Variants in ZFP2 observed in about 807,000 individuals in gnomAD.
The protein encoded by ZFP2 is zinc finger protein ZFP2.
In ZFP2, 33 loss-of-function variants were observed where a neutral mutation model predicts 36.1. The observed-to-expected ratio is 0.92, with a 90% CI of 0.69 to 1.22. The LOEUF is 1.22. Ranked by LOEUF, ZFP2 falls within the 50% of genes most tolerant of loss-of-function variation. The pLI is 0.00. For synonymous variants in ZFP2, 170 were observed against 178.0 expected, an observed-to-expected ratio of 0.96 and a Z score of 0.36; for missense variants, 522 against 551.4, an observed-to-expected ratio of 0.95 and a Z score of 0.53.
chr5:178,924,201 G>A (rs1017936423), intron 4 of ZFP2, among the ~76,000 whole-genome samples: 2 of 148,126 alleles, frequency 1.4e-5, no homozygotes, highest in Admixed American at 6.8e-5. Flanking sequence ...GTGAAACCCC[G>A]TCTGTACTAA....
rs77067287 is a variant in ZFP2 at position 178,918,028 on chromosome 5, C to T, written c.-78+1318C>T. Among the ~76,000 whole-genome samples the T allele has an allele frequency of 9.6e-3, 1,460 of 152,278 alleles. 26 individuals are homozygous for T. The highest frequency in any genetic ancestry group is 0.033 in the African/African-American group (1,358 of 41,550). Reference sequence around the variant, plus strand: ...TTCAGTGAGGCCTTTTCTTATGACCCACTTTAAAATTGCAGACGTTTTCTC... The same window carrying T: ...TTCAGTGAGGCCTTTTCTTATGACCTACTTTAAAATTGCAGACGTTTTCTC... On this transcript the variant is annotated intron_variant, in intron 4 of 4. Transcript: ENST00000361362.
rs577419398 is a variant in ZFP2, at chr5:178,929,946, G to C, written c.-77-1291G>C. 2.7e-4 allele frequency among the ~76,000 whole-genome samples: 40 copies of C among 147,612 alleles called. No homozygotes were observed. The East Asian group carries it at 5.9e-3, about 22-fold the overall frequency. On this transcript the variant is annotated intron_variant, in intron 4 of 4. Coordinates refer to ENST00000361362, the MANE Select transcript of ZFP2 (RefSeq NM_030613.4). Reference sequence around the variant, plus strand: ...GTGCCAGCATCTGCTTGACGGTGGGGGGGGGGGCTCAGGAGGCTTACAGTC... The same window carrying C: ...GTGCCAGCATCTGCTTGACGGTGGGCGGGGGGGCTCAGGAGGCTTACAGTC...
chr5:178,930,355 C>CT (rs1391754466), intron 4 of ZFP2, among the ~76,000 whole-genome samples: 19 of 96,454 alleles, frequency 2.0e-4, no homozygotes, highest in African/African-American at 6.5e-4. Context: ...GAGTCTCACT[C>CT]TGTCACCCAG....
chr5:178,932,790 T>C lies in ZFP2; in HGVS notation c.*91T>C, dbSNP rs74969101. 8.0e-4 allele frequency: 1,160 copies of C among 1,451,546 alleles called. 8 individuals carry two copies. The African/African-American group carries it at 0.015, about 18-fold the overall frequency. The allele number at this position is 1,451,546 out of a possible 1,614,324, so 89.9% of individuals were successfully genotyped here. A position where few individuals can be genotyped will look rare whatever the true frequency, so the allele number is the denominator to read the frequency against. On this transcript the variant is annotated 3_prime_UTR_variant, in exon 5 of 5. Transcript: ENST00000361362. ...TGTAGAAACCTAATAAATGTAATGA[T>C]TGTGGGAATCTTTCAGTTGAAGTAC... is the stretch of plus-strand genomic sequence containing the variant.
chr5:178,931,851 C>A lies in ZFP2; in HGVS notation c.538C>A (p.His180Asn). 1 of 1,612,638 alleles carries A rather than the reference C, an allele frequency of 6.2e-7. No individual in the cohort carries two copies. The highest frequency in any genetic ancestry group is 1.1e-5 in the South Asian group (1 of 91,022). The change falls in exon 5 of 5, where the codon CAC becomes AAC. Residue 180 changes from histidine (H) to asparagine (N), a missense_variant. Coordinates refer to ENST00000361362, the MANE Select transcript of ZFP2 (RefSeq NM_030613.4). ...SMNLTVHQRTHTGEKPYQCKE... is the reference protein window; with the variant it reads ...SMNLTVHQRTNTGEKPYQCKE... ...GAATCTTACTGTCCATCAACGAACT[C>A]ACACCGGAGAGAAACCCTATCAGTG...
Position 178,931,651 on chromosome 5 carries a change from A to G in ZFP2, c.338A>G (p.Gln113Arg). Residue 113 changes from glutamine (Q) to arginine (R), a missense_variant, in exon 5 of 5, where the codon CAG (glutamine) becomes CGG (arginine). Coordinates refer to ENST00000361362, the MANE Select transcript of ZFP2 (RefSeq NM_030613.4). ...AATCAGTGCAGCAAAACCTTCAGTC[A>G]GAGCTCATCCCTTCTTAAGCACCAG... is the stretch of plus-strand genomic sequence containing the variant. ...ECNQCSKTFS[Q>R]SSSLLKHQRI... 1 of 1,614,206 alleles carries G rather than the reference A, an allele frequency of 6.2e-7. No homozygotes were observed. Among genetic ancestry groups the G allele is most frequent in the Non-Finnish European group, 8.5e-7 (1 of 1,180,030 alleles).
intron 3 of ZFP2, 42 bp from the exon 4 acceptor site, chr5:178,916,523 A>G (rs1758435062): frequency 2.0e-6 from 2 of 984,812 alleles, no homozygotes; most frequent in Admixed American, 6.1e-5. Context: ...AGGAGCCCAT[A>G]GAACATGATG....
intron 1 of ZFP2, among the ~76,000 whole-genome samples, chr5:178,901,217 A>G (rs949765777): frequency 5.9e-5 from 9 of 152,210 alleles, no homozygotes; most frequent in African/African-American, 2.2e-4. Context: ...CTTTGTAACA[A>G]ACAGCTAAAC....
At chr5:178,920,053 A>G (rs1758522492) in intron 4 of ZFP2, among the ~76,000 whole-genome samples, 1 of 152,154 alleles carries the variant, frequency 6.6e-6, no homozygotes, top group Non-Finnish European at 1.5e-5. Context: ...TCTTCTGTCA[A>G]ATATAAGCTT....
In ZFP2 at chr5:178,915,318, C is replaced by CTTTTTTTTTTTTTT. The variant is rs1758396506; in HGVS notation, c.-223-1244_-223-1243insTTTTTTTTTTTTTT. Among the ~76,000 whole-genome samples, 2 of 112,554 alleles carry CTTTTTTTTTTTTTT rather than the reference C, an allele frequency of 1.8e-5. 1 individual carries two copies. Among genetic ancestry groups the CTTTTTTTTTTTTTT allele is most frequent in the African/African-American group, 6.4e-5 (2 of 31,446 alleles). 73.8% of individuals were successfully genotyped at this position (112,554 alleles called of 152,430 possible). On this transcript the variant is annotated intron_variant, in intron 3 of 4. Coordinates refer to ENST00000361362, the MANE Select transcript of ZFP2 (RefSeq NM_030613.4). ...ACTGGGTTAGAACCTAAAGGTTTTTCTTTCTTTTTTTTTTTTTTTTTTTTT... is the reference window on the plus strand; with the variant it reads ...ACTGGGTTAGAACCTAAAGGTTTTTCTTTTTTTTTTTTTTTTTCTTTTTTTTTTTTTTTTTTTTT...
At chr5:178,928,312 G>C (rs906312650) in intron 4 of ZFP2, among the ~76,000 whole-genome samples, 1 of 151,930 alleles carries the variant, frequency 6.6e-6, no homozygotes, top group Non-Finnish European at 1.5e-5. Flanking sequence ...GTCTTAACTC[G>C]TTCCAACATT....
chr5:178,921,682 G>T lies in ZFP2; in HGVS notation c.-78+4972G>T, dbSNP rs557202974. 2.0e-5 allele frequency among the ~76,000 whole-genome samples: 3 copies of T among 149,696 alleles called. No homozygotes were observed. In the East Asian group the frequency reaches 5.8e-4, roughly 29 times the overall value. ...TGGAGAACCTCCTCTGCCTTCTCCT[G>T]CCTCAGTGCCTGTTTTCAGATGGCT... On this transcript the variant is annotated intron_variant, in intron 4 of 4. Transcript: ENST00000361362.
Position 178,932,796 on chromosome 5 carries a change from G to C in ZFP2, c.*97G>C, listed in dbSNP as rs1758877377. 7.0e-7 allele frequency: 1 copy of C among 1,418,722 alleles called. No individual in the cohort carries two copies. The highest frequency in any genetic ancestry group is 9.4e-7 in the Non-Finnish European group (1 of 1,062,626). 87.9% of individuals were successfully genotyped at this position (1,418,722 alleles called of 1,614,324 possible). ...AACCTAATAAATGTAATGATTGTGG[G>C]AATCTTTCAGTTGAAGTACAATATG... On this transcript the variant is annotated 3_prime_UTR_variant, in exon 5 of 5. Coordinates refer to ENST00000361362, the MANE Select transcript of ZFP2 (RefSeq NM_030613.4).
chr5:178,904,525 A>G (rs1202964170), intron 1 of ZFP2, among the ~76,000 whole-genome samples: 2 of 151,608 alleles, frequency 1.3e-5, no homozygotes, highest in Non-Finnish European at 2.9e-5. Context: ...AAATTGTCAC[A>G]TATATATGAA....
At chr5:178,919,186 TGAA>T (rs952229293) in intron 4 of ZFP2, among the ~76,000 whole-genome samples, 21 of 152,172 alleles carry the variant, frequency 1.4e-4, no homozygotes, top group Admixed American at 2.0e-4. Flanking sequence ...CACGAATGGA[TGAA>T]GGATACCAGT....
intron 1 of ZFP2, among the ~76,000 whole-genome samples, chr5:178,896,734 T>C (rs1419168491): frequency 6.6e-6 from 1 of 152,252 alleles, no homozygotes; most frequent in African/African-American, 2.4e-5. Flanking sequence ...AAACACTTTG[T>C]ACTTTGTTTT....
Position 178,931,588 on chromosome 5 carries a change from C to G in ZFP2, c.275C>G (p.Thr92Ser), listed in dbSNP as rs769295605. The G allele has an allele frequency of 6.2e-7, 1 of 1,614,002 alleles. No homozygotes were observed. The highest frequency in any genetic ancestry group is 8.5e-7 in the Non-Finnish European group (1 of 1,180,038). The stretch of plus-strand genomic sequence containing the variant: ...ACACAAAATTCTGAGTTAATTAAAA[C>G]TCAAAGAATGTTTGTAGGAAAGAAG... ...DATQNSELIK[T>S]QRMFVGKKIY... The change falls in exon 5 of 5, where the codon ACT becomes AGT. Residue 92 changes from threonine (T) to serine (S), a missense_variant. Transcript: ENST00000361362.
chr5:178,905,014 C>T (rs147854278), intron 1 of ZFP2, among the ~76,000 whole-genome samples: 5 of 152,080 alleles, frequency 3.3e-5, no homozygotes, highest in South Asian at 2.1e-4. Flanking sequence ...TTTGGTATTT[C>T]GTAAAGCAAC....
intron 1 of ZFP2, among the ~76,000 whole-genome samples, chr5:178,907,215 C>T (rs181269412): frequency 6.6e-6 from 1 of 152,140 alleles, no homozygotes; most frequent in East Asian, 1.9e-4. Context: ...TCCATTATGG[C>T]ATTCCCTGGC....
Sources: gnomAD v4.1 joint callset for allele counts (sites outside exome capture counted in the v4.1 genomes callset) on GRCh38, gnomAD v4.1.1 for gene constraint, MANE v1.5 for transcripts, NCBI Gene and HGNC (gene_info 2026-07-23, HGNC 2026-07-21) for gene names.